Variants in RBFOX1 observed in about 807,000 individuals in gnomAD.
RBFOX1 encodes RNA binding protein fox-1 homolog 1.
In RBFOX1, 8 loss-of-function variants were observed where a neutral mutation model predicts 57.7. That is an observed-to-expected ratio of 0.14 (90% CI 0.08 to 0.25). RBFOX1 has a LOEUF of 0.25. RBFOX1 is among the 10% of genes least tolerant of loss of function. The pLI, the probability that RBFOX1 is intolerant of heterozygous loss-of-function variation, is 1.00. For synonymous variants in RBFOX1, 326 were observed against 222.4 expected (o/e 1.47, Z -4.15); for missense variants, 611 against 548.5 (o/e 1.11, Z -1.14).
At chr16:6,038,326 C>A (rs1015407452) in intron 1 of RBFOX1, 1 of 150,144 alleles carries the variant, frequency 6.7e-6, no homozygotes, top group South Asian at 2.1e-4. Context: ...GGATTACAGG[C>A]GTGCACCATC....
intron 1 of RBFOX1, among the ~76,000 whole-genome samples, chr16:5,271,457 T>C (rs897184337): frequency 2.0e-5 from 3 of 152,268 alleles, no homozygotes; most frequent in Non-Finnish European, 4.4e-5. Flanking sequence ...GATCCTGCTG[T>C]TCAGCCTGGT....
chr16:7,048,361 G>A (rs774346077), intron 3 of RBFOX1, among the ~76,000 whole-genome samples: 60 of 152,088 alleles, frequency 3.9e-4, no homozygotes, highest in Non-Finnish European at 7.6e-4. Flanking sequence ...CCAGGTTCAA[G>A]CAATTTTCCT....
At chr16:7,215,812 C>T (rs1354187719) in intron 4 of RBFOX1, among the ~76,000 whole-genome samples, 1 of 150,082 alleles carries the variant, frequency 6.7e-6, no homozygotes, top group Non-Finnish European at 1.5e-5. Flanking sequence ...GCAAGCTCTG[C>T]CTCTCGGGTT....
intron 1 of RBFOX1, among the ~76,000 whole-genome samples, chr16:5,305,154 T>G (rs2063902671): frequency 6.6e-6 from 1 of 152,134 alleles, no homozygotes; most frequent in African/African-American, 2.4e-5. Flanking sequence ...AATGCTGGTT[T>G]GGTCAGATCA....
chr16:6,894,149 A>G (rs1350156972), intron 3 of RBFOX1, among the ~76,000 whole-genome samples: 2 of 152,222 alleles, frequency 1.3e-5, no homozygotes, highest in Non-Finnish European at 2.9e-5. Context: ...AATGATCTAT[A>G]ATTGCTACCT....
intron 3 of RBFOX1, among the ~76,000 whole-genome samples, chr16:6,898,828 T>C (rs903144302): frequency 6.6e-6 from 1 of 151,866 alleles, no homozygotes; most frequent in African/African-American, 2.4e-5. Flanking sequence ...ATAATACATG[T>C]GTGTATGTGT....
At chr16:7,528,954 T>C (rs565824637) in intron 5 of RBFOX1, among the ~76,000 whole-genome samples, 39 of 152,230 alleles carry the variant, frequency 2.6e-4, no homozygotes, top group African/African-American at 9.4e-4. Context: ...AAAGATCACA[T>C]AAGTTATGGG....
chr16:5,800,565 G>A (rs190900612), intron 3 of RBFOX1, among the ~76,000 whole-genome samples: 2 of 152,286 alleles, frequency 1.3e-5, no homozygotes, highest in East Asian at 3.9e-4. Flanking sequence ...GATGACCAAG[G>A]ATGTGTGGAA....
intron 1 of RBFOX1, among the ~76,000 whole-genome samples, chr16:6,200,069 G>A (rs1409766129): frequency 1.3e-5 from 2 of 152,118 alleles, no homozygotes; most frequent in Non-Finnish European, 2.9e-5. Context: ...GATGTCTAGA[G>A]GGTGCTGGCA....
chr16:5,385,947 C>G (rs1396439183), intron 1 of RBFOX1, among the ~76,000 whole-genome samples: 1 of 151,298 alleles, frequency 6.6e-6, no homozygotes, highest in Non-Finnish European at 1.5e-5. Context: ...AAATGCTGAA[C>G]CATATTTTTT....
intron 3 of RBFOX1, among the ~76,000 whole-genome samples, chr16:5,668,022 A>G (rs575801872): frequency 6.6e-6 from 1 of 152,142 alleles, no homozygotes; most frequent in Non-Finnish European, 1.5e-5. Context: ...CACCAGGAAA[A>G]AAAAAAATTC....
At chr16:6,132,789 C>G (rs879339944) in intron 1 of RBFOX1, among the ~76,000 whole-genome samples, 1 of 151,968 alleles carries the variant, frequency 6.6e-6, no homozygotes, top group Non-Finnish European at 1.5e-5. Context: ...GAGTTCAAGA[C>G]CAGCCTGGCC....
intron 3 of RBFOX1, among the ~76,000 whole-genome samples, chr16:5,631,325 G>A (rs1215003075): frequency 1.3e-5 from 2 of 152,132 alleles, no homozygotes; most frequent in African/African-American, 2.4e-5. Context: ...TTGGGAAGCC[G>A]AGGCAGGTGG....
intron 4 of RBFOX1, among the ~76,000 whole-genome samples, chr16:7,258,251 G>A (rs76162554): frequency 1.3e-5 from 2 of 152,154 alleles, no homozygotes; most frequent in Non-Finnish European, 2.9e-5. Context: ...TTTCAGTTCA[G>A]TGTCCTTCTT....
At chr16:6,021,654 C>T (rs1280200814) in intron 1 of RBFOX1, among the ~76,000 whole-genome samples, 2 of 152,148 alleles carry the variant, frequency 1.3e-5, no homozygotes, top group Non-Finnish European at 2.9e-5. Context: ...AGTCATCATT[C>T]CTCGCGGTAG....
chr16:7,217,998 G>A (rs1413798474), intron 4 of RBFOX1, among the ~76,000 whole-genome samples: 1 of 151,512 alleles, frequency 6.6e-6, no homozygotes, highest in East Asian at 2.0e-4. Context: ...ATGTGTGCAC[G>A]TGCATGTGTG....
chr16:6,695,413 CAAAAAAAAAAA>C (rs71145278), intron 3 of RBFOX1, among the ~76,000 whole-genome samples: 2,084 of 109,132 alleles, frequency 0.019, 74 homozygotes, highest in African/African-American at 0.076. Flanking sequence ...GAAACTCTGT[CAAAAAAAAAAA>C]AAAAAAAAAA....
At chr16:5,632,582 G>A (rs1320608584) in intron 3 of RBFOX1, 2 of 152,160 alleles carry the variant, frequency 1.3e-5, no homozygotes, top group East Asian at 1.9e-4. Context: ...CAATATCAGC[G>A]GTGATTTATC....
At position 5,337,230 on chromosome 16, in the gene RBFOX1, C is replaced by T. The variant is rs144643312; in HGVS notation, c.219+97125C>T. 2.8e-3 allele frequency among the ~76,000 whole-genome samples: 433 copies of T among 152,286 alleles called. 4 individuals carry two copies. The highest frequency in any genetic ancestry group is 9.6e-3 in the African/African-American group (398 of 41,542). On this transcript the variant is annotated intron_variant, in intron 1 of 2. Coordinates refer to the RBFOX1 transcript ENST00000585867. ...GGCCATTGACTGGGCTTGTGAGAAA[C>T]TCTGCTTTTATCATGCAGGGATGAT...
Sources: allele counts gnomAD v4.1 joint callset (sites outside exome capture counted in the v4.1 genomes callset), GRCh38; gene constraint gnomAD v4.1.1; transcripts MANE v1.5; gene names NCBI Gene and HGNC (gene_info 2026-07-23, HGNC 2026-07-21).